The following ADGRG5 variants were observed in gnomAD, a reference collection of about 807,000 sequenced individuals.
The protein encoded by ADGRG5 is adhesion G protein-coupled receptor G5.
A neutral mutation model predicts 53.2 loss-of-function variants in ADGRG5; 37 were observed. The observed-to-expected ratio is 0.70, with a 90% CI of 0.53 to 0.91. The LOEUF (loss-of-function observed/expected upper bound fraction) is 0.91, where lower values mean the gene tolerates loss of function less well. Ranked by LOEUF, ADGRG5 falls within the 40% of genes least tolerant of loss-of-function variation. The pLI is 0.00. For missense variants in ADGRG5, 614 were observed against 675.8 expected, an observed-to-expected ratio of 0.91 and a Z score of 1.01; for synonymous variants, 277 against 290.4, an observed-to-expected ratio of 0.95 and a Z score of 0.47.
intron 8 of ADGRG5, 51 bp downstream of exon 8, chr16:57,567,642 CT>C (rs1431030278): frequency 6.3e-7 from 1 of 1,591,556 alleles, no homozygotes; most frequent in African/African-American, 1.3e-5. Flanking sequence ...GCACATCACG[CT>C]TCCTTGTGTC....
intron 10 of ADGRG5, 103 bp downstream of exon 10, chr16:57,570,638 G>T: frequency 1.2e-6 from 1 of 819,828 alleles, no homozygotes; most frequent in South Asian, 1.5e-5. Flanking sequence ...CACTGGCTGT[G>T]GGGCAGAGAG....
At chr16:57,570,593 C>A in intron 10 of ADGRG5, 58 bp downstream of exon 10, 1 of 1,211,310 alleles carries the variant, frequency 8.3e-7, no homozygotes, top group Non-Finnish European at 1.2e-6. Flanking sequence ...GCCACATGGG[C>A]CTGGGGCTCC....
At chr16:57,564,925 A>C in intron 5 of ADGRG5, 109 bp from the exon 6 acceptor site, 1 of 691,138 alleles carries the variant, frequency 1.4e-6, no homozygotes, top group East Asian at 2.5e-5. Flanking sequence ...TTCACGCTGC[A>C]CACGTGAAAG....
Position 57,552,058 on chromosome 16 carries a change from C to G in ADGRG5, c.-39+9357C>G, listed in dbSNP as rs146472788. Among the ~76,000 whole-genome samples, 344 of 149,542 alleles carry G rather than the reference C, an allele frequency of 2.3e-3. 2 individuals carry two copies. The highest frequency in any genetic ancestry group is 8.1e-3 in the African/African-American group (327 of 40,570). ...TTTTTTTTTGAGTAGTAGGTCTTAA[C>G]AGTGGGTTTAAAATATTCAGGAAAC... On this transcript the variant is annotated intron_variant, in intron 1 of 11. Transcript: ENST00000349457.
intron 1 of ADGRG5, among the ~76,000 whole-genome samples, chr16:57,547,468 C>T (rs1047371411): frequency 2.6e-5 from 4 of 152,078 alleles, no homozygotes; most frequent in South Asian, 4.1e-4. Context: ...TTTTTTGAGA[C>T]GGAGTCTCGC....
At position 57,564,040 on chromosome 16, in the gene ADGRG5, G is replaced by T. The variant is rs541407501; in HGVS notation, c.429+61G>T. The T allele has an allele frequency of 3.6e-5, 57 of 1,566,136 alleles. No homozygotes were observed. In the African/African-American group the frequency reaches 7.0e-4, roughly 19 times the overall value. ...GGCCCCTTCTTGGGATCCACTGCAG[G>T]TGCCCATGTCACTGCCTGGCCTCTG... On this transcript the variant is annotated intron_variant, in intron 5 of 11. Transcript: ENST00000349457.
chr16:57,541,804 GC>G (rs1455979765), upstream of ADGRG5, among the ~76,000 whole-genome samples: 3 of 152,210 alleles, frequency 2.0e-5, no homozygotes, highest in Admixed American at 2.0e-4. Context: ...ACACCTCCTT[GC>G]TTTCCCTTAG....
chr16:57,547,229 T>C (rs2032640091), intron 1 of ADGRG5, among the ~76,000 whole-genome samples: 1 of 152,166 alleles, frequency 6.6e-6, no homozygotes, highest in Admixed American at 6.5e-5. Context: ...ATTTAAACAA[T>C]ACAGAAAATA....
chr16:57,534,257 T>C, the ADGRG5 span, among the ~76,000 whole-genome samples: 1 of 152,112 alleles, frequency 6.6e-6, no homozygotes, highest in Admixed American at 6.5e-5. Flanking sequence ...CTCATCCAGA[T>C]GGGACACTTG....
At chr16:57,539,660 C>A (rs1191808880), upstream of ADGRG5, among the ~76,000 whole-genome samples, 1 of 151,312 alleles carries the variant, frequency 6.6e-6, no homozygotes, top group East Asian at 1.9e-4. Context: ...GCTATGTTTC[C>A]CAGGCTGGTC....
intron 1 of ADGRG5, among the ~76,000 whole-genome samples, chr16:57,551,813 A>G (rs1178811840): frequency 6.6e-6 from 1 of 152,164 alleles, no homozygotes; most frequent in Non-Finnish European, 1.5e-5. Context: ...GCCCTGATCC[A>G]TCAGAGAAAT....
At chr16:57,543,577 C>T (rs2032543152) in intron 1 of ADGRG5, among the ~76,000 whole-genome samples, 1 of 152,218 alleles carries the variant, frequency 6.6e-6, no homozygotes, top group South Asian at 2.1e-4. Context: ...GCCACCGTTC[C>T]TGGCCTGTTA....
At chr16:57,537,197 C>G in the ADGRG5 span, among the ~76,000 whole-genome samples, 2 of 152,116 alleles carry the variant, frequency 1.3e-5, no homozygotes, top group Admixed American at 6.5e-5. Context: ...CGGGGACGCC[C>G]AGCTGTTTTG....
At chr16:57,564,969 C>A in intron 5 of ADGRG5, 65 bp from the exon 6 acceptor site, 1 of 916,168 alleles carries the variant, frequency 1.1e-6, no homozygotes, top group South Asian at 1.4e-5. Flanking sequence ...GGAAGCGGAG[C>A]TCAGACCTTA....
At chr16:57,571,093 G>T (rs1160911315) in intron 10 of ADGRG5, among the ~76,000 whole-genome samples, 1 of 151,908 alleles carries the variant, frequency 6.6e-6, no homozygotes, top group Non-Finnish European at 1.5e-5. Flanking sequence ...AGGACGTTAA[G>T]CTTTTTATTA....
At chr16:57,554,539 G>T (rs764284516) in intron 1 of ADGRG5, among the ~76,000 whole-genome samples, 2 of 151,890 alleles carry the variant, frequency 1.3e-5, no homozygotes, top group Non-Finnish European at 2.9e-5. Flanking sequence ...ACCATGCCCG[G>T]CTAACTTTTT....
At chr16:57,531,332 C>T in the ADGRG5 span, among the ~76,000 whole-genome samples, 3 of 151,808 alleles carry the variant, frequency 2.0e-5, no homozygotes, top group African/African-American at 7.3e-5. Flanking sequence ...TGAAGGCACC[C>T]TGAAATCTGC....
In ADGRG5 at chr16:57,574,898, T is replaced by C; in HGVS notation, c.1292T>C (p.Leu431Pro). ...GLTSLFNLVV[L>P]AWALWTLRRL... is the part of the protein sequence containing the mutation. ...ACGTCCCTCTTCAACCTGGTGGTGC[T>C]GGCCTGGGCGCTGTGGACCCTGCGC... Residue 431 changes from leucine to proline, a missense_variant, in exon 11 of 12, where the codon CTG becomes CCG. Physicochemically the swap from Leu to Pro is moderately conservative, Grantham distance 98. Transcript: ENST00000349457. The surrounding 1 kb of genome is among the most constrained non-coding windows in gnomAD (Gnocchi z 4.4). The C allele has an allele frequency of 6.2e-7, 1 of 1,612,712 alleles. No individual in the cohort carries two copies.
chr16:57,536,944 T>G, the ADGRG5 span, among the ~76,000 whole-genome samples: 1 of 152,126 alleles, frequency 6.6e-6, no homozygotes, highest in South Asian at 2.1e-4. Context: ...GCTTACCAAG[T>G]CTTCACTGTT....
Sources: gnomAD v4.1 joint callset for allele counts (sites outside exome capture counted in the v4.1 genomes callset) on GRCh38, gnomAD v4.1.1 for gene constraint, Gnocchi (gnomAD v3.1) non-coding constraint, MANE v1.5 for transcripts, NCBI Gene and HGNC (gene_info 2026-07-23, HGNC 2026-07-21) for gene names.